Variants in RNF40 observed in about 807,000 individuals in gnomAD.
RNF40 encodes ring finger protein 40.
RNF40 carries 39 observed loss-of-function variants against 123.3 expected under a neutral mutation model. The observed-to-expected ratio is 0.32, with a 90% CI of 0.24 to 0.41. RNF40 has a LOEUF of 0.41. RNF40 is among the 10% of genes least tolerant of loss of function. The pLI, the probability that RNF40 is intolerant of heterozygous loss-of-function variation, is 1.00. For missense variants in RNF40, 1,003 were observed against 1,319.9 expected, an observed-to-expected ratio of 0.76 and a Z score of 3.72; for synonymous variants, 538 against 526.0, an observed-to-expected ratio of 1.02 and a Z score of -0.31.
intron 2 of RNF40, 115 bp from the exon 3 acceptor site, chr16:30,763,003 T>A: frequency 8.6e-7 from 1 of 1,168,596 alleles, no homozygotes; most frequent in Non-Finnish European, 1.2e-6. Context: ...GCGGTTAGTG[T>A]GGGAATACCT....
intron 15 of RNF40, 91 bp downstream of exon 15, chr16:30,769,078 T>A (rs2054098766): frequency 6.3e-7 from 1 of 1,596,186 alleles, no homozygotes; most frequent in African/African-American, 1.3e-5. Context: ...ACCTTGATGA[T>A]CTGGGTCCCC....
chr16:30,773,495 T>A (rs2054182504), intron 19 of RNF40: 1 of 155,490 alleles, frequency 6.4e-6, no homozygotes, highest in Admixed American at 6.4e-5. Flanking sequence ...CGGCAGGGTC[T>A]CTGGCCAGTG....
chr16:30,767,136 T>C (rs1301908393), intron 11 of RNF40, among the ~76,000 whole-genome samples: 1 of 152,178 alleles, frequency 6.6e-6, no homozygotes, highest in East Asian at 1.9e-4. Context: ...GACGTCTCTG[T>C]CTCTCAGATA....
chr16:30,764,182 C>G lies in RNF40; in HGVS notation c.446C>G (p.Pro149Arg), dbSNP rs1296393269. 3 of 1,607,814 alleles carry G rather than the reference C, an allele frequency of 1.9e-6. No individual in the cohort carries two copies. Among genetic ancestry groups the G allele is most frequent in the African/African-American group, 2.7e-5 (2 of 74,794 alleles). The change falls in exon 5 of 20, where the codon CCC (proline) becomes CGC (arginine). Residue 149 changes from proline (P) to arginine (R), a missense_variant. Pro to Arg is a moderately radical substitution (Grantham distance 103). Around this residue, in one of 11 missense-constraint regions of RNF40, gnomAD observed 104 missense variants for 85.2 expected, o/e 1.22. Coordinates refer to ENST00000324685, the MANE Select transcript of RNF40 (RefSeq NM_014771.4). ...AGGGTCTGTCCATTCCTTCCAGACC[C>G]CTTGCTGATGCAGCTGCGGCCCCCT... ...PEPGTSELRDPLLMQLRPPLS... is the reference protein window; with the variant it reads ...PEPGTSELRDRLLMQLRPPLS...
At chr16:30,772,054 G>T in intron 18 of RNF40, 35 bp from the exon 19 acceptor site, 1 of 1,579,956 alleles carries the variant, frequency 6.3e-7, no homozygotes, top group Non-Finnish European at 8.6e-7. Flanking sequence ...CAAGGTTGAG[G>T]ACCCTTGCCC....
chr16:30,770,762 A>C (rs2054134404), intron 17 of RNF40, among the ~76,000 whole-genome samples: 1 of 151,972 alleles, frequency 6.6e-6, no homozygotes, highest in Non-Finnish European at 1.5e-5. Context: ...CCCAGGCTGG[A>C]GTACAGTGGC....
chr16:30,770,792 A>T (rs1303058842), intron 17 of RNF40, among the ~76,000 whole-genome samples: 1 of 151,712 alleles, frequency 6.6e-6, no homozygotes, highest in Non-Finnish European at 1.5e-5. Context: ...GTTCACTGCA[A>T]CCTCCGCCTC....
chr16:30,771,928 C>T lies in RNF40; in HGVS notation c.2682C>T (p.Ser894=), dbSNP rs1385507030. The change falls in exon 18 of 20, where the codon AGC becomes AGT. Residue 894 remains serine (S), a synonymous_variant. Coordinates refer to ENST00000324685, the MANE Select transcript of RNF40 (RefSeq NM_014771.4). The part of the protein sequence containing the change: ...LREIQPCLAE[S]RAAREKESFN... ...AGATCCAGCCCTGCCTGGCAGAGAGCCGGGCTGCTCGTGAGAAAGAGAGCT... is the reference window on the plus strand; with the variant it reads ...AGATCCAGCCCTGCCTGGCAGAGAGTCGGGCTGCTCGTGAGAAAGAGAGCT... 6.2e-7 allele frequency: 1 copy of T among 1,604,618 alleles called. No individual in the cohort carries two copies. Among genetic ancestry groups the T allele is most frequent in the Admixed American group, 1.7e-5 (1 of 59,158 alleles).
rs1048975939 is a variant in RNF40, at chr16:30,764,349, C to T, written c.613C>T (p.Arg205Trp). The T allele has an allele frequency of 6.2e-6, 10 of 1,613,656 alleles. No individual in the cohort carries two copies. Among genetic ancestry groups the T allele is most frequent in the Non-Finnish European group, 7.6e-6 (9 of 1,179,972 alleles). Residue 205 changes from arginine to tryptophan, a missense_variant, in exon 5 of 20, where the codon CGG becomes TGG. Arg to Trp is a moderately radical substitution (Grantham distance 101, BLOSUM62 -3). Around this residue, in one of 11 missense-constraint regions of RNF40, gnomAD observed 274 missense variants for 356.9 expected, o/e 0.77. Transcript: ENST00000324685. ...VVEASDRLQRRVEELCQRVYS... is the reference protein window; with the variant it reads ...VVEASDRLQRWVEELCQRVYS... ...AGAGGCCTCAGACCGCCTACAGCGC[C>T]GGGTGGAGGAACTCTGTCAGCGAGT...
At position 30,764,987 on chromosome 16, in the gene RNF40, G is replaced by A. The variant is rs764425656; in HGVS notation, c.699G>A (p.Leu233=). ...SEAAQAHTRE[L]GRENRRLQDL... is the part of the protein sequence containing the mutation. ...CGGCTCAGGCACACACCCGAGAGCT[G>A]GGCCGTGAGAACCGGCGACTGCAGG... Residue 233 remains leucine (L), a synonymous_variant, in exon 6 of 20, where the codon CTG becomes CTA. Coordinates refer to ENST00000324685, the MANE Select transcript of RNF40 (RefSeq NM_014771.4). 13 of 1,613,376 alleles carry A rather than the reference G, an allele frequency of 8.1e-6. No individual in the cohort carries two copies. The highest frequency in any genetic ancestry group is 1.0e-5 in the Non-Finnish European group (12 of 1,180,038).
chr16:30,775,078 G>T lies in RNF40; in HGVS notation c.*964G>T. On this transcript the variant is annotated 3_prime_UTR_variant, in exon 20 of 20. Transcript: ENST00000324685. ...ATCGGCTGTGAGGGCAGTGCCCGGAGAGGCCAGAGGGTTGGAGCTGCAGGG... is the reference window on the plus strand; with the variant it reads ...ATCGGCTGTGAGGGCAGTGCCCGGATAGGCCAGAGGGTTGGAGCTGCAGGG... The T allele has an allele frequency of 2.2e-6, 1 of 456,112 alleles. No individual in the cohort carries two copies. Among genetic ancestry groups the T allele is most frequent in the Non-Finnish European group, 4.4e-6 (1 of 226,536 alleles). 28.3% of individuals were successfully genotyped at this position (456,112 alleles called of 1,614,324 possible).
chr16:30,766,065 G>T lies in RNF40; in HGVS notation c.994-98G>T, dbSNP rs969787396. The T allele has an allele frequency of 1.3e-6, 2 of 1,552,914 alleles. No individual in the cohort carries two copies. Among genetic ancestry groups the T allele is most frequent in the Non-Finnish European group, 1.8e-6 (2 of 1,132,048 alleles). On this transcript the variant is annotated intron_variant, in intron 8 of 19. Coordinates refer to ENST00000324685, the MANE Select transcript of RNF40 (RefSeq NM_014771.4). This position sits in a 1 kb window ranked among gnomAD's most constrained non-coding sequence, Gnocchi z 5.4. ...GGGTGTCAGAATCGATCATTGCCCT[G>T]CACGGGGTGCTTGGGGTGGAGTGTA... is the stretch of plus-strand genomic sequence containing the variant.
chr16:30,763,332 A>G, intron 3 of RNF40, 47 bp downstream of exon 3: 1 of 1,610,230 alleles, frequency 6.2e-7, no homozygotes, highest in Middle Eastern at 1.7e-4. Context: ...TCAGCTGCCA[A>G]TCCCCAGATT....
intron 2 of RNF40, 88 bp downstream of exon 2, chr16:30,762,765 T>C (rs1458252063): frequency 1.3e-6 from 2 of 1,531,760 alleles, no homozygotes; most frequent in Non-Finnish European, 8.8e-7. Context: ...TACACCCACT[T>C]CCCCAAGTTT....
At position 30,765,162 on chromosome 16, in the gene RNF40, G is replaced by C. The variant is rs762283422; in HGVS notation, c.772-19G>C. ...AACCAAGTCCCCCATCCAAGCATCT[G>C]CTCCCTCATTGTTCCCAGTACTCCG... On this transcript the variant is annotated intron_variant, in intron 6 of 19. Coordinates refer to ENST00000324685, the MANE Select transcript of RNF40 (RefSeq NM_014771.4). 9 of 1,613,372 alleles carry C rather than the reference G, an allele frequency of 5.6e-6. No individual in the cohort carries two copies. The Admixed American group carries it at 8.3e-5, about 15-fold the overall frequency.
chr16:30,765,377 T>C lies in RNF40; in HGVS notation c.919-48T>C, dbSNP rs760515167. ...TGAGGCAAGGCTGGGCCCTTGGGCC[T>C]TAGCTCCTCCCCTCTACATCCATTG... is the stretch of plus-strand genomic sequence containing the variant. On this transcript the variant is annotated intron_variant, in intron 7 of 19. Coordinates refer to ENST00000324685, the MANE Select transcript of RNF40 (RefSeq NM_014771.4). 4.6e-5 allele frequency: 75 copies of C among 1,613,914 alleles called. 1 individual carries two copies. In the Middle Eastern group the frequency reaches 8.2e-4, roughly 18 times the overall value.
In RNF40 at chr16:30,766,058, T is replaced by C; in HGVS notation, c.994-105T>C. On this transcript the variant is annotated intron_variant, in intron 8 of 19. Transcript: ENST00000324685. This position sits in a 1 kb window ranked among gnomAD's most constrained non-coding sequence, Gnocchi z 5.4. ...TGGTTTGGGGTGTCAGAATCGATCA[T>C]TGCCCTGCACGGGGTGCTTGGGGTG... 4.6e-6 allele frequency: 7 copies of C among 1,513,510 alleles called. No individual in the cohort carries two copies. The highest frequency in any genetic ancestry group is 6.4e-6 in the Non-Finnish European group (7 of 1,100,984). The allele number at this position is 1,513,510 out of a possible 1,614,324, so 93.8% of individuals were successfully genotyped here.
intron 8 of RNF40, 53 bp downstream of exon 8, chr16:30,765,552 C>A: frequency 6.6e-7 from 1 of 1,504,158 alleles, no homozygotes; most frequent in Non-Finnish European, 9.2e-7. Flanking sequence ...CTGTTGCACT[C>A]TTGAAATTCC....
intron 15 of RNF40, 62 bp from the exon 16 acceptor site, chr16:30,769,124 T>C (rs1317950688): frequency 6.3e-7 from 1 of 1,589,090 alleles, no homozygotes; most frequent in Non-Finnish European, 8.6e-7. Context: ...TTTCCCATGG[T>C]TCCCCCACAG....
Sources: gnomAD v4.1 joint callset for allele counts (sites outside exome capture counted in the v4.1 genomes callset) on GRCh38, gnomAD v4.1.1 for gene constraint, gnomAD v4.1.1 regional missense constraint, Gnocchi (gnomAD v3.1) non-coding constraint, MANE v1.5 for transcripts, NCBI Gene and HGNC (gene_info 2026-07-23, HGNC 2026-07-21) for gene names.